ARHGEF3: variants seen among roughly 807,000 people sequenced by gnomAD.
The protein encoded by ARHGEF3 is 59.8 kDA protein.
Under a neutral mutation model 63.2 loss-of-function variants are expected in ARHGEF3, and 28 were observed. That is an observed-to-expected ratio of 0.44 (90% CI 0.33 to 0.61). The LOEUF is 0.61. ARHGEF3 is among the 20% of genes least tolerant of loss of function. The probability of loss-of-function intolerance (pLI) is 0.03; values close to 1 mark genes in which losing one functional copy is unlikely to be tolerated. For missense variants in ARHGEF3, 533 were observed against 659.3 expected, an observed-to-expected ratio of 0.81 and a Z score of 2.10; for synonymous variants, 266 against 254.2, an observed-to-expected ratio of 1.05 and a Z score of -0.44.
chr3:56,749,644 A>T (rs1423708711), intron 6 of ARHGEF3, among the ~76,000 whole-genome samples: 1 of 152,254 alleles, frequency 6.6e-6, no homozygotes, highest in Non-Finnish European at 1.5e-5. Flanking sequence ...TTTGTGGGCT[A>T]AAGAAGTTAA....
intron 2 of ARHGEF3, among the ~76,000 whole-genome samples, chr3:57,004,612 G>A (rs1158131690): frequency 1.3e-5 from 2 of 152,198 alleles, no homozygotes; most frequent in African/African-American, 4.8e-5. Context: ...TAAACAACAT[G>A]TCACAGAGTC....
At chr3:56,749,902 TA>T (rs1460418501) in intron 6 of ARHGEF3, among the ~76,000 whole-genome samples, 1 of 150,190 alleles carries the variant, frequency 6.7e-6, no homozygotes, top group Non-Finnish European at 1.5e-5. Context: ...AGATCAATGT[TA>T]AAACTTTCTG....
chr3:57,054,955 A>C (rs994105975), intron 1 of ARHGEF3, among the ~76,000 whole-genome samples: 1 of 151,750 alleles, frequency 6.6e-6, no homozygotes, highest in African/African-American at 2.4e-5. Flanking sequence ...AGCAAAAAAA[A>C]TTTTTTTGTA....
intron 4 of ARHGEF3, among the ~76,000 whole-genome samples, chr3:56,837,021 C>T (rs890210433): frequency 1.3e-5 from 2 of 152,188 alleles, no homozygotes; most frequent in Non-Finnish European, 1.5e-5. Context: ...TTCCAGAAGA[C>T]CCATTCTCCA....
intron 1 of ARHGEF3, among the ~76,000 whole-genome samples, chr3:56,781,491 C>T (rs1054949353): frequency 1.3e-5 from 2 of 152,148 alleles, no homozygotes; most frequent in Non-Finnish European, 2.9e-5. Context: ...GGTGATCCAC[C>T]TGCCTTGGCC....
chr3:56,787,530 T>C (rs1407078216), intron 1 of ARHGEF3, among the ~76,000 whole-genome samples: 1 of 152,046 alleles, frequency 6.6e-6, no homozygotes, highest in Non-Finnish European at 1.5e-5. Context: ...CTCTCATCTA[T>C]GCCATACAGC....
At chr3:56,975,167 C>T (rs1024943285) in intron 2 of ARHGEF3, among the ~76,000 whole-genome samples, 1 of 152,098 alleles carries the variant, frequency 6.6e-6, no homozygotes, top group African/African-American at 2.4e-5. Flanking sequence ...CCTGTAATCC[C>T]ATCACTCTGG....
intron 2 of ARHGEF3, among the ~76,000 whole-genome samples, chr3:57,015,862 A>G (rs1702975384): frequency 6.6e-6 from 1 of 152,054 alleles, no homozygotes; most frequent in South Asian, 2.1e-4. Context: ...TCAAGACCAC[A>G]GCATGTTCAG....
intron 1 of ARHGEF3, among the ~76,000 whole-genome samples, chr3:56,780,125 T>C (rs1187629440): frequency 6.6e-6 from 1 of 152,220 alleles, no homozygotes; most frequent in Non-Finnish European, 1.5e-5. Flanking sequence ...TGTACTGGAC[T>C]ATACACCTCT....
chr3:56,797,002 ATG>A (rs2037402793), intron 1 of ARHGEF3, among the ~76,000 whole-genome samples: 1 of 152,234 alleles, frequency 6.6e-6, no homozygotes, highest in Admixed American at 6.5e-5. Flanking sequence ...TTTTTTTGAA[ATG>A]TAAAGGTCTT....
rs556491407 is a variant in ARHGEF3 at position 56,879,417 on chromosome 3, C to G, written c.192+2875G>C. Among the ~76,000 whole-genome samples the G allele has an allele frequency of 2.6e-5, 4 of 152,164 alleles. No individual in the cohort carries two copies. The East Asian group carries it at 7.7e-4, about 29-fold the overall frequency. ...CGAGTTCACTGTTTTGTTTTTTAACCCATCAACAATATTTATCAAGAATCT... is the reference window on the plus strand; with the variant it reads ...CGAGTTCACTGTTTTGTTTTTTAACGCATCAACAATATTTATCAAGAATCT... On this transcript the variant is annotated intron_variant, in intron 4 of 12. Coordinates refer to the ARHGEF3 transcript ENST00000338458.
intron 1 of ARHGEF3, among the ~76,000 whole-genome samples, chr3:56,781,048 CTTA>C (rs2036538177): frequency 6.6e-6 from 1 of 152,040 alleles, no homozygotes; most frequent in South Asian, 2.1e-4. Context: ...CACTGGTGTC[CTTA>C]TAAGAAGAGG....
chr3:56,739,937 T>A (rs2033903451), intron 7 of ARHGEF3, among the ~76,000 whole-genome samples: 1 of 151,708 alleles, frequency 6.6e-6, no homozygotes, highest in Non-Finnish European at 1.5e-5. Context: ...CTTGTTCTTG[T>A]CACCCAGGCT....
chr3:56,794,448 A>G (rs2037239522), intron 1 of ARHGEF3, among the ~76,000 whole-genome samples: 1 of 148,336 alleles, frequency 6.7e-6, no homozygotes, highest in Non-Finnish European at 1.5e-5. Flanking sequence ...AGATCGCACC[A>G]CTGCACTGTA....
chr3:56,997,689 C>T (rs138320169), intron 2 of ARHGEF3, among the ~76,000 whole-genome samples: 1 of 152,110 alleles, frequency 6.6e-6, no homozygotes, highest in East Asian at 1.9e-4. Context: ...AGACAGCCTG[C>T]GAGTACAATG....
At chr3:56,940,337 A>G (rs895119554) in intron 3 of ARHGEF3, among the ~76,000 whole-genome samples, 1 of 152,214 alleles carries the variant, frequency 6.6e-6, no homozygotes, top group African/African-American at 2.4e-5. Flanking sequence ...TACCCTGCAT[A>G]ACTCTGGAAC....
At chr3:56,964,613 G>A (rs1037379335) in intron 2 of ARHGEF3, among the ~76,000 whole-genome samples, 11 of 152,150 alleles carry the variant, frequency 7.2e-5, no homozygotes, top group Admixed American at 1.3e-4. Flanking sequence ...TTCAGTTCCT[G>A]CTTTCATGTC....
At chr3:56,735,115 C>T (rs1347881024) in intron 8 of ARHGEF3, among the ~76,000 whole-genome samples, 1 of 152,136 alleles carries the variant, frequency 6.6e-6, no homozygotes, top group Admixed American at 6.6e-5. Context: ...GAAACCCCAT[C>T]TCTACTAAAA....
At chr3:56,834,746 CAAAAA>C (rs763133636) in intron 4 of ARHGEF3, among the ~76,000 whole-genome samples, 1 of 69,754 alleles carries the variant, frequency 1.4e-5, no homozygotes, top group Admixed American at 1.3e-4. Context: ...CTCTGACTTA[CAAAAA>C]AAAAAAAAAA....
Sources: allele counts gnomAD v4.1 joint callset (sites outside exome capture counted in the v4.1 genomes callset), GRCh38; gene constraint gnomAD v4.1.1; transcripts MANE v1.5; gene names NCBI Gene and HGNC (gene_info 2026-07-23, HGNC 2026-07-21).